FAM53A: variants seen among roughly 807,000 people sequenced by gnomAD.
FAM53A encodes family with sequence similarity 53 member A, also known as protein FAM53A.
FAM53A carries 28 observed loss-of-function variants against 26.6 expected under a neutral mutation model. The observed-to-expected ratio is 1.05, with a 90% CI of 0.78 to 1.45. FAM53A has a LOEUF of 1.45. Among genes scored for constraint, FAM53A ranks in the 40% most tolerant of loss-of-function variants. The pLI, the probability that FAM53A is intolerant of heterozygous loss-of-function variation, is 0.00. For synonymous variants in FAM53A, 290 were observed against 253.1 expected, an observed-to-expected ratio of 1.15 and a Z score of -1.38; for missense variants, 650 against 575.8, an observed-to-expected ratio of 1.13 and a Z score of -1.32.
intron 4 of FAM53A, chr4:1,644,502 G>T: frequency 2.1e-6 from 2 of 938,158 alleles, no homozygotes; most frequent in South Asian, 2.0e-5. Context: ...CTGTAGAGAC[G>T]GTGGAAACCG....
intron 4 of FAM53A, among the ~76,000 whole-genome samples, chr4:1,641,898 G>C (rs1413905419): frequency 1.3e-5 from 2 of 152,178 alleles, no homozygotes; most frequent in African/African-American, 4.8e-5. Flanking sequence ...CAACGGACCA[G>C]GTTGGTGGGC....
downstream of FAM53A, among the ~76,000 whole-genome samples, chr4:1,616,326 G>A (rs1315858590): frequency 1.3e-5 from 2 of 152,232 alleles, no homozygotes; most frequent in Non-Finnish European, 2.9e-5. Context: ...CCACGGCCAA[G>A]GTTGGAAGCG....
intron 4 of FAM53A, among the ~76,000 whole-genome samples, chr4:1,652,127 C>T (rs1486681298): frequency 7.3e-6 from 1 of 137,886 alleles, no homozygotes; most frequent in African/African-American, 3.1e-5. Context: ...ACGCCACACA[C>T]ACCTCATACA....
At chr4:1,590,529 C>T in the FAM53A span, among the ~76,000 whole-genome samples, 1 of 152,040 alleles carries the variant, frequency 6.6e-6, no homozygotes, top group Non-Finnish European at 1.5e-5. Context: ...CCATTCTTGA[C>T]CTGCTTGGGA....
intron 4 of FAM53A, among the ~76,000 whole-genome samples, chr4:1,651,400 T>C (rs1294872108): frequency 6.6e-6 from 1 of 151,528 alleles, no homozygotes; most frequent in African/African-American, 2.4e-5. Context: ...AGCGTGGTGG[T>C]GCATGCCTGC....
chr4:1,619,758 A>AT (rs1714947354), intron 1 of FAM53A, among the ~76,000 whole-genome samples: 1 of 152,108 alleles, frequency 6.6e-6, no homozygotes, highest in Admixed American at 6.5e-5. Context: ...CCTGGCAGGA[A>AT]TGGGGGTTCA....
chr4:1,610,487 C>A, the FAM53A span, among the ~76,000 whole-genome samples: 1 of 152,192 alleles, frequency 6.6e-6, no homozygotes, highest in Non-Finnish European at 1.5e-5. Context: ...GGGATCCCAG[C>A]AGGGCCCCTG....
At chr4:1,584,507 G>C in the FAM53A span, among the ~76,000 whole-genome samples, 1 of 152,218 alleles carries the variant, frequency 6.6e-6, no homozygotes, top group East Asian at 1.9e-4. Flanking sequence ...ACATTTTTGA[G>C]CATGAGTAAC....
At chr4:1,670,296 A>C (rs1185957143) in intron 1 of FAM53A, among the ~76,000 whole-genome samples, 1 of 152,248 alleles carries the variant, frequency 6.6e-6, no homozygotes, top group Non-Finnish European at 1.5e-5. Flanking sequence ...ACCAACATGC[A>C]CTTCCCTAGA....
At chr4:1,603,502 G>A in the FAM53A span, among the ~76,000 whole-genome samples, 2 of 152,146 alleles carry the variant, frequency 1.3e-5, no homozygotes, top group Admixed American at 6.5e-5. Flanking sequence ...GAATGGCCTG[G>A]GGCAGCTCAG....
chr4:1,645,231 G>A (rs1712133120), intron 4 of FAM53A, among the ~76,000 whole-genome samples: 2 of 152,258 alleles, frequency 1.3e-5, no homozygotes, highest in South Asian at 2.1e-4. Flanking sequence ...GAGGCCCACA[G>A]GGCGCAGGGA....
At chr4:1,656,475 C>G (rs551876428) in intron 3 of FAM53A, among the ~76,000 whole-genome samples, 6 of 152,150 alleles carry the variant, frequency 3.9e-5, no homozygotes, top group South Asian at 2.1e-4. Flanking sequence ...CCTGGGATGA[C>G]CTTGGGGTGA....
chr4:1,590,769 T>A, the FAM53A span, among the ~76,000 whole-genome samples: 1 of 151,678 alleles, frequency 6.6e-6, no homozygotes, highest in African/African-American at 2.4e-5. Context: ...AACTGATAGA[T>A]AATAGAGGTA....
chr4:1,586,026 C>T, the FAM53A span, among the ~76,000 whole-genome samples: 21 of 152,330 alleles, frequency 1.4e-4, no homozygotes, highest in Admixed American at 1.3e-3. Flanking sequence ...CATGAGCCAC[C>T]TCACCCAGCT....
At chr4:1,615,275 T>TC (rs1714766222), downstream of FAM53A, among the ~76,000 whole-genome samples, 1 of 46,958 alleles carries the variant, frequency 2.1e-5, no homozygotes. Flanking sequence ...ACGCCCACCC[T>TC]ACCTGGGCCC....
chr4:1,590,955 C>CATATATACATATACATATATAT, the FAM53A span, among the ~76,000 whole-genome samples: 1 of 46,280 alleles, frequency 2.2e-5, no homozygotes, highest in Non-Finnish European at 4.7e-5. Context: ...TTATTTAATG[C>CATATATACATATACATATATAT]ATATATATAT....
chr4:1,673,142 C>G (rs1245246119), intron 1 of FAM53A, among the ~76,000 whole-genome samples: 1 of 152,200 alleles, frequency 6.6e-6, no homozygotes, highest in Non-Finnish European at 1.5e-5. Context: ...ACAAAATGAC[C>G]AGCCAGAGAT....
chr4:1,642,617 C>A (rs775029186), intron 4 of FAM53A, among the ~76,000 whole-genome samples: 2 of 152,176 alleles, frequency 1.3e-5, no homozygotes, highest in Non-Finnish European at 2.9e-5. Flanking sequence ...AGCTGGGGCA[C>A]GAGTCCATGG....
At chr4:1,582,288 C>A in the FAM53A span, among the ~76,000 whole-genome samples, 1 of 152,218 alleles carries the variant, frequency 6.6e-6, no homozygotes, top group Non-Finnish European at 1.5e-5. Flanking sequence ...AGGCCACGGC[C>A]ATCAGGGCAT....
Sources: allele counts gnomAD v4.1 joint callset (sites outside exome capture counted in the v4.1 genomes callset), GRCh38; gene constraint gnomAD v4.1.1; transcripts MANE v1.5; gene names NCBI Gene and HGNC (gene_info 2026-07-23, HGNC 2026-07-21).